The following CADM2 variants were observed in gnomAD, a reference collection of about 807,000 sequenced individuals.
CADM2 encodes cell adhesion molecule 2, also known as immunoglobulin superfamily member 4D.
Under a neutral mutation model 49.8 loss-of-function variants are expected in CADM2, and 12 were observed. The observed-to-expected ratio is 0.24, with a 90% CI of 0.15 to 0.39. CADM2 has a LOEUF of 0.39. Among genes scored for constraint, CADM2 ranks in the 10% least tolerant of loss-of-function variants. The pLI is 1.00. For missense variants in CADM2, 378 were observed against 492.3 expected (o/e 0.77, Z 2.20); for synonymous variants, 214 against 175.4 (o/e 1.22, Z -1.74).
intron 8 of CADM2, among the ~76,000 whole-genome samples, chr3:85,985,677 G>A (rs1201871690): frequency 6.6e-6 from 1 of 151,862 alleles, no homozygotes; most frequent in East Asian, 1.9e-4. Context: ...TGAATTTAGG[G>A]ATCTGTTTGT....
intron 1 of CADM2, among the ~76,000 whole-genome samples, chr3:85,250,308 C>CA (rs987410643): frequency 7.3e-5 from 11 of 151,396 alleles, no homozygotes; most frequent in East Asian, 3.9e-4. Context: ...TATCAAATTG[C>CA]AAAAAAACTA....
chr3:85,701,217 T>C (rs932184946), intron 1 of CADM2, among the ~76,000 whole-genome samples: 14 of 152,058 alleles, frequency 9.2e-5, no homozygotes, highest in African/African-American at 3.1e-4. Context: ...AAGAACTCTA[T>C]CATGAAAACA....
intron 7 of CADM2, among the ~76,000 whole-genome samples, chr3:85,953,531 T>A (rs539764490): frequency 6.6e-6 from 1 of 151,024 alleles, no homozygotes; most frequent in Non-Finnish European, 1.5e-5. Flanking sequence ...AACACCGTAA[T>A]CAAGAGTTTT....
At chr3:85,875,165 G>C (rs1323284568) in intron 3 of CADM2, among the ~76,000 whole-genome samples, 1 of 152,072 alleles carries the variant, frequency 6.6e-6, no homozygotes, top group Non-Finnish European at 1.5e-5. Flanking sequence ...ATTGTTTTAT[G>C]TTGTATGACT....
intron 1 of CADM2, among the ~76,000 whole-genome samples, chr3:85,054,093 T>C (rs189345477): frequency 1.9e-4 from 29 of 152,076 alleles, no homozygotes; most frequent in Non-Finnish European, 3.5e-4. Flanking sequence ...GAGCCTATTA[T>C]ATGTAAGGCA....
chr3:85,343,074 G>A (rs2030103526), intron 1 of CADM2, among the ~76,000 whole-genome samples: 1 of 152,118 alleles, frequency 6.6e-6, no homozygotes, highest in Admixed American at 6.5e-5. Flanking sequence ...GGCAATGTCT[G>A]GAAACATTTG....
In CADM2 at chr3:85,951,079, GA is replaced by G. The variant is rs140114920; in HGVS notation, c.792-10383del. Among the ~76,000 whole-genome samples, 1,506 of 150,918 alleles carry G rather than the reference GA, an allele frequency of 1.0e-2. 30 individuals carry two copies. Among genetic ancestry groups the G allele is most frequent in the East Asian group, 0.045 (231 of 5,114 alleles). On this transcript the variant is annotated intron_variant, in intron 7 of 9. Transcript: ENST00000383699. The stretch of plus-strand genomic sequence containing the variant: ...TGGGATTCTGAAACTATAAATAGAA[GA>G]AAAAAAGTCTATTGCTTTTGATAAA...
At chr3:85,589,591 C>A (rs2063047430) in intron 1 of CADM2, among the ~76,000 whole-genome samples, 2 of 151,998 alleles carry the variant, frequency 1.3e-5, no homozygotes, top group South Asian at 2.1e-4. Flanking sequence ...TATGGTAACA[C>A]CTGGACATAC....
intron 1 of CADM2, among the ~76,000 whole-genome samples, chr3:85,617,142 A>T (rs1576942528): frequency 1.3e-5 from 2 of 152,176 alleles, no homozygotes; most frequent in South Asian, 2.1e-4. Flanking sequence ...CTACCTGAAG[A>T]TGATGTCAGA....
At chr3:85,772,869 T>A (rs2070162700) in intron 2 of CADM2, among the ~76,000 whole-genome samples, 1 of 148,632 alleles carries the variant, frequency 6.7e-6, no homozygotes, top group Admixed American at 6.7e-5. Context: ...CCTTTTTGTC[T>A]GCTTTCATTT....
intron 1 of CADM2, among the ~76,000 whole-genome samples, chr3:84,999,619 C>A (rs2033355050): frequency 6.6e-6 from 1 of 152,124 alleles, no homozygotes; most frequent in Admixed American, 6.6e-5. Flanking sequence ...AGTATGAAAT[C>A]TAAAACAAGA....
intron 1 of CADM2, among the ~76,000 whole-genome samples, chr3:85,569,571 G>C (rs1246828834): frequency 1.3e-5 from 2 of 151,990 alleles, no homozygotes. Flanking sequence ...CCACATCTTT[G>C]CCAGCATTTG....
chr3:85,806,722 G>A (rs1035057778), intron 3 of CADM2, among the ~76,000 whole-genome samples: 1 of 151,972 alleles, frequency 6.6e-6, no homozygotes, highest in Non-Finnish European at 1.5e-5. Context: ...GTGATAGAGT[G>A]AGGCTCTGTC....
intron 8 of CADM2, among the ~76,000 whole-genome samples, chr3:85,991,356 A>G (rs1046183828): frequency 6.6e-6 from 1 of 152,180 alleles, no homozygotes; most frequent in East Asian, 1.9e-4. Flanking sequence ...CTCAGGCCCA[A>G]TTGAAGACTA....
intron 1 of CADM2, among the ~76,000 whole-genome samples, chr3:85,084,857 A>G (rs1197357363): frequency 1.3e-5 from 2 of 151,928 alleles, no homozygotes; most frequent in Admixed American, 6.6e-5. Context: ...TTTTAAGTAT[A>G]ATTCTGTTTA....
rs147146361 is a variant in CADM2 at position 85,155,766 on chromosome 3, A to G, written c.61+196098A>G. Among the ~76,000 whole-genome samples, 1,329 of 152,338 alleles carry G rather than the reference A, an allele frequency of 8.7e-3. 26 individuals are homozygous for G. Among genetic ancestry groups the G allele is most frequent in the African/African-American group, 0.03 (1,264 of 41,560 alleles). ...TCTCAGACCACAGTGCAATCAAACT[A>G]GAACTCAGGATTAAGAATCTCACTC... is the stretch of plus-strand genomic sequence containing the variant. On this transcript the variant is annotated intron_variant, in intron 1 of 9. Transcript: ENST00000383699.
At chr3:85,030,960 C>T (rs1294925278) in intron 1 of CADM2, among the ~76,000 whole-genome samples, 1 of 151,990 alleles carries the variant, frequency 6.6e-6, no homozygotes. Flanking sequence ...GAGGTGGGGA[C>T]GATGTAAGGA....
At chr3:84,981,460 A>G (rs2032177009) in intron 1 of CADM2, among the ~76,000 whole-genome samples, 3 of 152,090 alleles carry the variant, frequency 2.0e-5, no homozygotes, top group African/African-American at 7.2e-5. Flanking sequence ...AAATCTATAC[A>G]TGAGTATGGA....
intron 1 of CADM2, among the ~76,000 whole-genome samples, chr3:85,192,945 TA>T: frequency 6.6e-6 from 1 of 152,210 alleles, no homozygotes; most frequent in Non-Finnish European, 1.5e-5. Context: ...TCTGGAAATA[TA>T]AATGATGCAA....
Sources: gnomAD v4.1 joint callset for allele counts (sites outside exome capture counted in the v4.1 genomes callset) on GRCh38, gnomAD v4.1.1 for gene constraint, MANE v1.5 for transcripts, NCBI Gene and HGNC (gene_info 2026-07-23, HGNC 2026-07-21) for gene names.